Variants in CLIP4 observed in about 807,000 individuals in gnomAD.
CLIP4 encodes the protein CAP-Gly domain containing linker protein family member 4.
CLIP4 carries 47 observed loss-of-function variants against 73.1 expected under a neutral mutation model. That is an observed-to-expected ratio of 0.64 (90% CI 0.51 to 0.82). The LOEUF is 0.82. Among genes scored for constraint, CLIP4 ranks in the 40% least tolerant of loss-of-function variants. The pLI is 0.00. For missense variants in CLIP4, 874 were observed against 852.9 expected, an observed-to-expected ratio of 1.02 and a Z score of -0.31; for synonymous variants, 306 against 295.4, an observed-to-expected ratio of 1.04 and a Z score of -0.37.
chr2:29,116,841 A>G (rs1036570798), intron 1 of CLIP4, among the ~76,000 whole-genome samples: 1 of 152,246 alleles, frequency 6.6e-6, no homozygotes, highest in Non-Finnish European at 1.5e-5. Flanking sequence ...GATTCATTTC[A>G]GACATTTTGT....
intron 7 of CLIP4, 98 bp from the exon 8 acceptor site, chr2:29,145,134 A>G (rs1666066005): frequency 4.8e-6 from 5 of 1,036,608 alleles, no homozygotes; most frequent in Non-Finnish European, 6.9e-6. Context: ...GAGAGAGTGA[A>G]TTTTTAAAAA....
intron 2 of CLIP4, 58 bp downstream of exon 2, chr2:29,121,579 G>T (rs556890156): frequency 4.5e-6 from 7 of 1,572,616 alleles, no homozygotes; most frequent in Non-Finnish European, 6.1e-6. Flanking sequence ...TCTCTGTTAC[G>T]CCTTTTTTGC....
intron 12 of CLIP4, among the ~76,000 whole-genome samples, chr2:29,161,995 C>T (rs1026225791): frequency 6.6e-6 from 1 of 152,184 alleles, no homozygotes; most frequent in Non-Finnish European, 1.5e-5. Context: ...TTTTATAATT[C>T]ATGACTTTCT....
intron 1 of CLIP4, among the ~76,000 whole-genome samples, chr2:29,104,593 G>T (rs1558503376): frequency 6.6e-6 from 1 of 152,190 alleles, no homozygotes. Flanking sequence ...AGCCTCTGGG[G>T]TCTCTTTGGA....
chr2:29,130,788 A>G, intron 2 of CLIP4: 1 of 1,287,624 alleles, frequency 7.8e-7, no homozygotes, highest in Middle Eastern at 2.2e-4. Context: ...TGTACATAGT[A>G]TAATTTTGGA....
rs151010551 is a variant in CLIP4 at position 29,098,689 on chromosome 2, G to T, written c.-16+742G>T. Among the ~76,000 whole-genome samples the T allele has an allele frequency of 8.5e-5, 13 of 152,244 alleles. No homozygotes were observed. The East Asian group carries it at 2.5e-3, about 29-fold the overall frequency. On this transcript the variant is annotated intron_variant, in intron 1 of 14. Coordinates refer to the CLIP4 transcript ENST00000401605. ...TACTAACATTCACGTATCGGTTCTC[G>T]TGTGGACATAAGTTTTCATATCACT...
chr2:29,106,640 C>T (rs980229807), intron 1 of CLIP4, among the ~76,000 whole-genome samples: 1 of 152,128 alleles, frequency 6.6e-6, no homozygotes, highest in African/African-American at 2.4e-5. Flanking sequence ...CACTTGCAAC[C>T]ATGACACTCT....
chr2:29,155,411 CA>C (rs1666858672), intron 9 of CLIP4, among the ~76,000 whole-genome samples: 1 of 114,322 alleles, frequency 8.7e-6, no homozygotes, highest in Non-Finnish European at 2.3e-5. Context: ...TGTATACACA[CA>C]CACACACACA....
rs1053300472 is a variant in CLIP4 at position 29,115,942 on chromosome 2, C to T, written c.-16+277C>T. On this transcript the variant is annotated intron_variant, in intron 1 of 15. Transcript: ENST00000320081. The surrounding 1 kb of genome is among the most constrained non-coding windows in gnomAD (Gnocchi z 5.1). ...GACGGCCCAACTTTAGGTTGAGGGG[C>T]GCGGGGTGTGCGGGACCCGGCGGCG... is the stretch of plus-strand genomic sequence containing the variant. 6.6e-6 allele frequency among the ~76,000 whole-genome samples: 1 copy of T among 152,052 alleles called. No homozygotes were observed. The highest frequency in any genetic ancestry group is 1.5e-5 in the Non-Finnish European group (1 of 67,966).
intron 6 of CLIP4, among the ~76,000 whole-genome samples, chr2:29,139,248 G>T (rs1370809405): frequency 6.6e-6 from 1 of 151,244 alleles, no homozygotes; most frequent in South Asian, 2.1e-4. Context: ...TGCTTTTTCT[G>T]TGTCTATTGA....
rs1281791087 is a variant in CLIP4 at position 29,152,725 on chromosome 2, T to C, written c.1062T>C (p.Gly354=). ...APLSKISKAK[G]RRKNITHTPS... ...TTTCAAAGATAAGTAAAGCAAAAGG[T>C]CGAAGGAAGAATATAACACACACTC... The change falls in exon 9 of 16, where the codon GGT becomes GGC. Residue 354 remains glycine, a synonymous_variant. Transcript: ENST00000320081. The C allele has an allele frequency of 7.4e-6, 12 of 1,613,572 alleles. No individual in the cohort carries two copies. The East Asian group carries it at 2.7e-4, about 36-fold the overall frequency.
At chr2:29,162,969 A>G (rs1368866187) in intron 12 of CLIP4, among the ~76,000 whole-genome samples, 1 of 152,182 alleles carries the variant, frequency 6.6e-6, no homozygotes, top group African/African-American at 2.4e-5. Flanking sequence ...GATACTGATT[A>G]TAAGAGACCA....
At chr2:29,177,418 A>C (rs1447941417) in intron 15 of CLIP4, among the ~76,000 whole-genome samples, 1 of 151,132 alleles carries the variant, frequency 6.6e-6, no homozygotes, top group African/African-American at 2.4e-5. Flanking sequence ...AAAAAAAAAA[A>C]AAAAATACAA....
chr2:29,153,679 G>C (rs150237228), intron 9 of CLIP4, among the ~76,000 whole-genome samples: 67 of 152,224 alleles, frequency 4.4e-4, no homozygotes, highest in African/African-American at 1.6e-3. Flanking sequence ...ATAAACACTT[G>C]GTAATTTGTA....
chr2:29,127,717 T>G (rs965632088), intron 2 of CLIP4, among the ~76,000 whole-genome samples: 3 of 152,138 alleles, frequency 2.0e-5, no homozygotes, highest in African/African-American at 4.8e-5. Flanking sequence ...ACCAGAAACC[T>G]GCACTTGTCA....
chr2:29,151,671 A>G (rs953952795), intron 8 of CLIP4, among the ~76,000 whole-genome samples: 1 of 152,134 alleles, frequency 6.6e-6, no homozygotes, highest in Non-Finnish European at 1.5e-5. Flanking sequence ...GAGCATTTCT[A>G]CCCTGCTTTA....
At chr2:29,164,183 G>A (rs1386969382) in intron 13 of CLIP4, among the ~76,000 whole-genome samples, 1 of 152,210 alleles carries the variant, frequency 6.6e-6, no homozygotes, top group East Asian at 1.9e-4. Flanking sequence ...CAAACCCTAT[G>A]AGTATGTGTA....
intron 6 of CLIP4, among the ~76,000 whole-genome samples, chr2:29,142,272 C>T (rs116228341): frequency 7.7e-4 from 116 of 151,476 alleles, no homozygotes; most frequent in Admixed American, 1.3e-3. Flanking sequence ...AGGAAGATAT[C>T]GTCATTGTTA....
chr2:29,175,962 T>C (rs1056120923), intron 15 of CLIP4, among the ~76,000 whole-genome samples: 14 of 152,154 alleles, frequency 9.2e-5, no homozygotes, highest in East Asian at 3.9e-4. Flanking sequence ...GGGATTTCAC[T>C]GTGTTAGCCA....
Sources: allele counts gnomAD v4.1 joint callset (sites outside exome capture counted in the v4.1 genomes callset), GRCh38; gene constraint gnomAD v4.1.1; non-coding constraint Gnocchi (gnomAD v3.1); transcripts MANE v1.5; gene names NCBI Gene and HGNC (gene_info 2026-07-23, HGNC 2026-07-21).